FOXP1: variants seen among roughly 807,000 people sequenced by gnomAD.
FOXP1 encodes forkhead box P1, also known as forkhead box protein P1.
In FOXP1, 15 loss-of-function variants were observed where a neutral mutation model predicts 98.2. The ratio of observed to expected loss-of-function variants is 0.15; its 90% CI spans 0.10 to 0.24. FOXP1 has a LOEUF of 0.24. FOXP1 is among the 10% of genes least tolerant of loss of function. The pLI is 1.00. For missense variants in FOXP1, 633 were observed against 848.5 expected, an observed-to-expected ratio of 0.75 and a Z score of 3.15; for synonymous variants, 371 against 314.5, an observed-to-expected ratio of 1.18 and a Z score of -1.90.
chr3:71,174,758 A>C (rs2061829584), intron 6 of FOXP1, among the ~76,000 whole-genome samples: 1 of 149,504 alleles, frequency 6.7e-6, no homozygotes, highest in Non-Finnish European at 1.5e-5. Context: ...TAAGGAGCAA[A>C]GCGAATACAC....
Position 71,052,532 on chromosome 3 carries a change from G to T in FOXP1, c.510+5C>A, listed in dbSNP as rs201200839. The T allele has an allele frequency of 2.7e-6, 3 of 1,129,596 alleles. No homozygotes were observed. The highest frequency in any genetic ancestry group is 4.1e-6 in the Non-Finnish European group (3 of 736,914). 70.0% of individuals were successfully genotyped at this position (1,129,596 alleles called of 1,614,324 possible). A position where few individuals can be genotyped will look rare whatever the true frequency, so the allele number is the denominator to read the frequency against. On this transcript the variant is annotated splice_donor_5th_base_variant and intron_variant, in intron 9 of 20. Coordinates refer to ENST00000649528, the MANE Select transcript of FOXP1 (RefSeq NM_001349338.3). ...GTTTGAAAGTAAAATATGTATTGTC[G>T]GTACCTCTTTAGGCTGTTTTCCAGC...
At chr3:71,212,768 C>A (rs1248585648) in intron 5 of FOXP1, among the ~76,000 whole-genome samples, 1 of 152,134 alleles carries the variant, frequency 6.6e-6, no homozygotes, top group Non-Finnish European at 1.5e-5. Context: ...GCATTAGCCT[C>A]ATTCCCTGCT....
rs543340695 is a variant in FOXP1 at position 71,446,387 on chromosome 3, T to C, written c.-168+47039A>G. ...AGCAGAGAAAAAGCATGTTCAAGAATGAAGGAGTGGGTGAAACCTCGTAAA... is the reference window on the plus strand; with the variant it reads ...AGCAGAGAAAAAGCATGTTCAAGAACGAAGGAGTGGGTGAAACCTCGTAAA... On this transcript the variant is annotated intron_variant, in intron 3 of 20. Transcript: ENST00000649528. Among the ~76,000 whole-genome samples the C allele has an allele frequency of 2.0e-5, 3 of 152,126 alleles. No homozygotes were observed. The South Asian group carries it at 6.2e-4, about 32-fold the overall frequency.
intron 2 of FOXP1, among the ~76,000 whole-genome samples, chr3:71,549,072 T>C (rs932937545): frequency 9.2e-5 from 14 of 152,158 alleles, no homozygotes; most frequent in Admixed American, 4.6e-4. Flanking sequence ...AAGAAGTTAA[T>C]TGTTGACTTC....
chr3:71,447,301 C>T (rs138732408), intron 3 of FOXP1, among the ~76,000 whole-genome samples: 306 of 152,326 alleles, frequency 2.0e-3, no homozygotes, highest in African/African-American at 7.0e-3. Flanking sequence ...CTGCCTTACA[C>T]ATTCTCAAGC....
intron 11 of FOXP1, among the ~76,000 whole-genome samples, chr3:71,031,707 T>A (rs2046890032): frequency 6.6e-6 from 1 of 152,084 alleles, no homozygotes; most frequent in East Asian, 1.9e-4. Flanking sequence ...CCAAAATAGT[T>A]TTCACAATGG....
intron 5 of FOXP1, among the ~76,000 whole-genome samples, chr3:71,233,751 G>A (rs896149384): frequency 6.6e-5 from 10 of 151,986 alleles, no homozygotes; most frequent in Non-Finnish European, 1.5e-4. Flanking sequence ...ACCCCAAGAA[G>A]GACAAAAGAG....
intron 7 of FOXP1, among the ~76,000 whole-genome samples, chr3:71,064,393 G>A (rs1484200167): frequency 6.6e-6 from 1 of 152,130 alleles, no homozygotes; most frequent in Non-Finnish European, 1.5e-5. Flanking sequence ...CGGAGTGATG[G>A]CGAGGGCTTC....
intron 3 of FOXP1, among the ~76,000 whole-genome samples, chr3:71,469,693 G>A (rs2089136129): frequency 6.6e-6 from 1 of 152,132 alleles, no homozygotes; most frequent in South Asian, 2.1e-4. Flanking sequence ...ATGTAATGAG[G>A]GAGGAAAAGA....
intron 5 of FOXP1, among the ~76,000 whole-genome samples, chr3:71,261,970 A>G (rs895062426): frequency 6.6e-6 from 1 of 152,132 alleles, no homozygotes; most frequent in African/African-American, 2.4e-5. Flanking sequence ...TGCTGAACAA[A>G]TATTTGTCAA....
At chr3:71,082,642 A>AAAC (rs1039515164) in intron 7 of FOXP1, among the ~76,000 whole-genome samples, 3 of 151,984 alleles carry the variant, frequency 2.0e-5, no homozygotes, top group Admixed American at 6.5e-5. Flanking sequence ...AAAAAAAAGA[A>AAAC]AACAACAACA....
At chr3:71,437,865 A>G (rs980458241) in intron 3 of FOXP1, among the ~76,000 whole-genome samples, 12 of 152,206 alleles carry the variant, frequency 7.9e-5, no homozygotes, top group Non-Finnish European at 1.3e-4. Context: ...CCCCACCCGC[A>G]CTTGCAGACA....
intron 11 of FOXP1, among the ~76,000 whole-genome samples, chr3:71,025,602 A>G (rs2046009785): frequency 6.6e-6 from 1 of 152,370 alleles, no homozygotes; most frequent in East Asian, 1.9e-4. Context: ...TTAAAAATTA[A>G]TGCAAGGCTG....
intron 4 of FOXP1, among the ~76,000 whole-genome samples, chr3:71,350,358 A>T (rs2077696740): frequency 6.6e-6 from 1 of 152,160 alleles, no homozygotes; most frequent in Admixed American, 6.5e-5. Flanking sequence ...GAGGCCCTCC[A>T]ATCTCCCTTC....
chr3:71,522,711 T>C (rs891240926), intron 2 of FOXP1, among the ~76,000 whole-genome samples: 4 of 152,106 alleles, frequency 2.6e-5, no homozygotes, highest in Non-Finnish European at 5.9e-5. Context: ...TGATGTCATA[T>C]TGAAAAAAAG....
intron 3 of FOXP1, among the ~76,000 whole-genome samples, chr3:71,386,365 G>T (rs575117135): frequency 2.6e-5 from 4 of 152,138 alleles, no homozygotes; most frequent in Non-Finnish European, 4.4e-5. Flanking sequence ...TGAAATCTTG[G>T]CTCCATCTGA....
At chr3:71,112,111 G>A (rs951247993) in intron 7 of FOXP1, among the ~76,000 whole-genome samples, 9 of 149,766 alleles carry the variant, frequency 6.0e-5, no homozygotes, top group Non-Finnish European at 8.9e-5. Context: ...GTCTCCTGGT[G>A]GTGGGTGGGG....
chr3:71,572,816 GTTCCTTT>G (rs2047439315), intron 2 of FOXP1: 1 of 152,116 alleles, frequency 6.6e-6, no homozygotes, highest in African/African-American at 2.4e-5. Context: ...TTTACTCTTT[GTTCCTTT>G]TTTGTGCCTT....
chr3:71,512,820 C>T (rs1026667812), intron 2 of FOXP1, among the ~76,000 whole-genome samples: 2 of 152,194 alleles, frequency 1.3e-5, no homozygotes, highest in Non-Finnish European at 2.9e-5. Flanking sequence ...ACCATCTCCA[C>T]CCCTGTGTTT....
Sources: allele counts gnomAD v4.1 joint callset (sites outside exome capture counted in the v4.1 genomes callset), GRCh38; gene constraint gnomAD v4.1.1; transcripts MANE v1.5; gene names NCBI Gene and HGNC (gene_info 2026-07-23, HGNC 2026-07-21).